Variants in NRXN3 observed in about 807,000 individuals in gnomAD.
NRXN3 encodes neurexin III.
Under a neutral mutation model 137.6 loss-of-function variants are expected in NRXN3, and 32 were observed. The observed-to-expected ratio is 0.23, with a 90% confidence interval of 0.18 to 0.31. The LOEUF is 0.31. NRXN3 is among the 10% of genes least tolerant of loss of function. The pLI is 1.00. For synonymous variants in NRXN3, 798 were observed against 784.5 expected, an observed-to-expected ratio of 1.02 and a Z score of -0.29; for missense variants, 1,574 against 2,062.5, an observed-to-expected ratio of 0.76 and a Z score of 4.59.
intron 15 of NRXN3, among the ~76,000 whole-genome samples, chr14:79,142,716 T>C (rs2058920468): frequency 6.6e-6 from 1 of 152,042 alleles, no homozygotes; most frequent in Non-Finnish European, 1.5e-5. Context: ...GGTGGACAAA[T>C]GGCTAGGGTT....
chr14:78,949,323 T>C (rs2099381285), intron 10 of NRXN3, among the ~76,000 whole-genome samples: 1 of 152,190 alleles, frequency 6.6e-6, no homozygotes, highest in Non-Finnish European at 1.5e-5. Flanking sequence ...TTCAATTATA[T>C]GTATTTACTA....
At chr14:79,481,455 T>C (rs2096607401) in intron 16 of NRXN3, among the ~76,000 whole-genome samples, 1 of 152,210 alleles carries the variant, frequency 6.6e-6, no homozygotes, top group South Asian at 2.1e-4. Flanking sequence ...ACTACACTCC[T>C]AGCTATATGG....
chr14:79,228,071 G>C (rs756118981), intron 15 of NRXN3, among the ~76,000 whole-genome samples: 7 of 152,130 alleles, frequency 4.6e-5, no homozygotes, highest in African/African-American at 7.2e-5. Context: ...TATGCATTCA[G>C]ATACCTTTGC....
intron 4 of NRXN3, among the ~76,000 whole-genome samples, chr14:78,369,387 G>T (rs1343870201): frequency 6.6e-6 from 1 of 152,072 alleles, no homozygotes; most frequent in African/African-American, 2.4e-5. Flanking sequence ...TACTTTTGGG[G>T]ATTTGTTTCT....
chr14:79,115,105 C>A (rs2054192580), intron 15 of NRXN3, among the ~76,000 whole-genome samples: 1 of 152,186 alleles, frequency 6.6e-6, no homozygotes, highest in East Asian at 1.9e-4. Flanking sequence ...GAGGGCGAAT[C>A]ACCTGAGGTC....
intron 9 of NRXN3, among the ~76,000 whole-genome samples, 158 bp downstream of exon 9, chr14:78,803,981 CCTT>C (rs1412502449): frequency 1.3e-5 from 2 of 152,204 alleles, no homozygotes; most frequent in Non-Finnish European, 2.9e-5. Context: ...GCAGCGATCA[CCTT>C]CTCCTTGTTT....
chr14:79,705,493 A>AT (rs1316914940), intron 19 of NRXN3, among the ~76,000 whole-genome samples: 3 of 152,240 alleles, frequency 2.0e-5, no homozygotes, highest in Non-Finnish European at 2.9e-5. Flanking sequence ...GCTTTTGCAG[A>AT]TTTTTTTCCT....
intron 15 of NRXN3, among the ~76,000 whole-genome samples, chr14:79,240,298 T>C (rs1267092705): frequency 6.6e-6 from 1 of 151,964 alleles, no homozygotes; most frequent in South Asian, 2.1e-4. Flanking sequence ...TATAGAAAAA[T>C]GCACTCCTGC....
At chr14:79,459,858 A>C (rs1240704918) in intron 15 of NRXN3, among the ~76,000 whole-genome samples, 1 of 152,084 alleles carries the variant, frequency 6.6e-6, no homozygotes, top group Non-Finnish European at 1.5e-5. Context: ...TCCTTTAAGC[A>C]AGAGGGAATT....
In NRXN3 at chr14:78,888,395, C is replaced by A. The variant is rs1228229995; in HGVS notation, c.2276-68847C>A. ...AGTTGTGAAGGGCAGACATTAACTG[C>A]TTATTTAAGACATAATACCTGTCCT... is the stretch of plus-strand genomic sequence containing the variant. On this transcript the variant is annotated intron_variant, in intron 10 of 20. Transcript: ENST00000335750. Among the ~76,000 whole-genome samples, 893 of 152,148 alleles carry A rather than the reference C, an allele frequency of 5.9e-3. 12 individuals carry two copies. Among genetic ancestry groups the A allele is most frequent in the Non-Finnish European group, 7.4e-3 (501 of 67,968 alleles).
chr14:79,025,175 C>A (rs2099595974), intron 15 of NRXN3, among the ~76,000 whole-genome samples: 1 of 152,160 alleles, frequency 6.6e-6, no homozygotes, highest in African/African-American at 2.4e-5. Context: ...TACCCTAGTT[C>A]TTTCTTTTCA....
At chr14:78,813,947 C>G (rs2098923236) in intron 10 of NRXN3, among the ~76,000 whole-genome samples, 1 of 152,156 alleles carries the variant, frequency 6.6e-6, no homozygotes, top group African/African-American at 2.4e-5. Flanking sequence ...AAGCAATTTT[C>G]TAATCAGCTC....
intron 16 of NRXN3, among the ~76,000 whole-genome samples, chr14:79,512,082 A>G (rs1005898957): frequency 6.6e-6 from 1 of 152,144 alleles, no homozygotes; most frequent in Non-Finnish European, 1.5e-5. Flanking sequence ...TATTTTTAGT[A>G]GAGATGGGGT....
At chr14:78,181,583 G>C (rs1012988585) in intron 1 of NRXN3, among the ~76,000 whole-genome samples, 1 of 152,134 alleles carries the variant, frequency 6.6e-6, no homozygotes, top group Non-Finnish European at 1.5e-5. Context: ...TGTGTGGGCA[G>C]CCCTCAGGGA....
At chr14:78,953,972 T>C (rs1442821414) in intron 10 of NRXN3, among the ~76,000 whole-genome samples, 1 of 152,208 alleles carries the variant, frequency 6.6e-6, no homozygotes, top group Non-Finnish European at 1.5e-5. Context: ...TTTACTTACG[T>C]GAATCACTCT....
chr14:78,481,001 A>G (rs2095464049), intron 4 of NRXN3, among the ~76,000 whole-genome samples: 1 of 152,140 alleles, frequency 6.6e-6, no homozygotes, highest in African/African-American at 2.4e-5. Flanking sequence ...GTGGGCATGA[A>G]GGGAAGGGGT....
intron 5 of NRXN3, chr14:78,649,185 C>T: frequency 1.1e-6 from 1 of 926,308 alleles, no homozygotes; most frequent in Admixed American, 2.3e-5. Context: ...ACCCTAACGA[C>T]TCATCTTTGT....
At chr14:79,730,169 G>C (rs1241884586) in intron 19 of NRXN3, among the ~76,000 whole-genome samples, 1 of 152,256 alleles carries the variant, frequency 6.6e-6, no homozygotes, top group Non-Finnish European at 1.5e-5. Flanking sequence ...CCTACTAAAG[G>C]AATAGTGTTT....
At chr14:78,607,910 C>A (rs1165502822) in intron 4 of NRXN3, among the ~76,000 whole-genome samples, 3 of 152,104 alleles carry the variant, frequency 2.0e-5, no homozygotes, top group African/African-American at 7.2e-5. Context: ...AGGAACATTT[C>A]TAAGTGCTCT....
Sources: allele counts gnomAD v4.1 joint callset (sites outside exome capture counted in the v4.1 genomes callset), GRCh38; gene constraint gnomAD v4.1.1; transcripts MANE v1.5; gene names NCBI Gene and HGNC (gene_info 2026-07-23, HGNC 2026-07-21).